NALF1: variants seen among roughly 807,000 people sequenced by gnomAD.
The protein encoded by NALF1 is family with sequence similarity 155 member A.
Under a neutral mutation model 48.4 loss-of-function variants are expected in NALF1, and 3 were observed. That is an observed-to-expected ratio of 0.06 (90% CI 0.03 to 0.16). NALF1 has a LOEUF of 0.16. Among genes scored for constraint, NALF1 ranks in the 10% least tolerant of loss-of-function variants. The pLI is 1.00. For missense variants in NALF1, 526 were observed against 571.5 expected, an observed-to-expected ratio of 0.92 and a Z score of 0.81; for synonymous variants, 262 against 245.7, an observed-to-expected ratio of 1.07 and a Z score of -0.62.
intron 1 of NALF1, among the ~76,000 whole-genome samples, chr13:107,642,219 C>A (rs1210383030): frequency 6.6e-6 from 1 of 152,164 alleles, no homozygotes; most frequent in East Asian, 1.9e-4. Context: ...TGCCATAATT[C>A]ATGGAATTAC....
chr13:107,770,300 T>C (rs1877544357), intron 1 of NALF1, among the ~76,000 whole-genome samples: 2 of 152,202 alleles, frequency 1.3e-5, no homozygotes, highest in South Asian at 2.1e-4. Flanking sequence ...TGTTTGGAGC[T>C]GCCTAAAATT....
chr13:107,176,237 A>G (rs556579664), intron 2 of NALF1, among the ~76,000 whole-genome samples: 2 of 150,112 alleles, frequency 1.3e-5, no homozygotes, highest in South Asian at 2.1e-4. Flanking sequence ...GTTCTGATAT[A>G]TTTTGCTTAT....
chr13:107,205,651 A>G (rs1245727534), intron 2 of NALF1, among the ~76,000 whole-genome samples: 8 of 152,326 alleles, frequency 5.3e-5, no homozygotes, highest in African/African-American at 1.9e-4. Flanking sequence ...CAGAATTTAC[A>G]TAGAATTCTT....
intron 1 of NALF1, among the ~76,000 whole-genome samples, chr13:107,313,098 A>G (rs115255239): frequency 0.015 from 2,208 of 152,256 alleles, 63 homozygotes; most frequent in African/African-American, 0.051. Context: ...CTTGGAAGAT[A>G]AAATGGAGAA....
intron 1 of NALF1, among the ~76,000 whole-genome samples, chr13:107,325,330 T>C (rs1882331038): frequency 6.6e-6 from 1 of 152,158 alleles, no homozygotes; most frequent in South Asian, 2.1e-4. Flanking sequence ...CAAGTATTTA[T>C]TTTTTCCAAA....
At chr13:107,767,517 T>G (rs775617798) in intron 1 of NALF1, among the ~76,000 whole-genome samples, 5 of 152,238 alleles carry the variant, frequency 3.3e-5, no homozygotes, top group Non-Finnish European at 2.9e-5. Context: ...GTCACAGGTC[T>G]ACATGTAAAT....
At chr13:107,841,854 GC>G (rs1317190270) in intron 1 of NALF1, among the ~76,000 whole-genome samples, 6 of 151,544 alleles carry the variant, frequency 4.0e-5, no homozygotes, top group Non-Finnish European at 8.8e-5. Flanking sequence ...AAATATTCTT[GC>G]AAAAGAATGC....
chr13:107,280,766 T>C (rs1881371518), intron 1 of NALF1, among the ~76,000 whole-genome samples: 2 of 152,298 alleles, frequency 1.3e-5, no homozygotes, highest in South Asian at 4.1e-4. Context: ...CGAAAAAAAG[T>C]AGTTTGTATC....
At chr13:107,800,750 T>C (rs922712530) in intron 1 of NALF1, among the ~76,000 whole-genome samples, 46 of 147,984 alleles carry the variant, frequency 3.1e-4, no homozygotes, top group Admixed American at 1.4e-3. Flanking sequence ...TATGATATAA[T>C]ATATAATACA....
At chr13:107,183,814 A>T (rs1174560664) in intron 2 of NALF1, among the ~76,000 whole-genome samples, 2 of 152,058 alleles carry the variant, frequency 1.3e-5, no homozygotes, top group African/African-American at 4.8e-5. Context: ...GGGCACAGAG[A>T]GGGTAGCTTC....
intron 1 of NALF1, among the ~76,000 whole-genome samples, chr13:107,764,636 C>A (rs1877372243): frequency 1.3e-5 from 2 of 152,124 alleles, no homozygotes; most frequent in South Asian, 4.1e-4. Context: ...GGGACTACAT[C>A]AAGATGACCA....
chr13:107,382,754 C>A (rs971335899), intron 1 of NALF1, among the ~76,000 whole-genome samples: 1 of 152,208 alleles, frequency 6.6e-6, no homozygotes, highest in African/African-American at 2.4e-5. Context: ...AAATGCCCCC[C>A]ACTTAACCAA....
At chr13:107,552,185 T>C (rs1292189762) in intron 1 of NALF1, among the ~76,000 whole-genome samples, 3 of 152,162 alleles carry the variant, frequency 2.0e-5, no homozygotes, top group Non-Finnish European at 2.9e-5. Context: ...CCTTACTACA[T>C]TCTATGCAGA....
intron 1 of NALF1, among the ~76,000 whole-genome samples, chr13:107,416,959 C>G (rs369076132): frequency 2.0e-5 from 3 of 152,286 alleles, no homozygotes; most frequent in East Asian, 3.9e-4. Context: ...ATTGACTTCC[C>G]CTCTCCAGTG....
intron 1 of NALF1, among the ~76,000 whole-genome samples, chr13:107,256,123 G>A (rs56264600): frequency 0.11 from 17,236 of 152,126 alleles, 1,150 homozygotes; most frequent in African/African-American, 0.17. Context: ...GAAAACAGAC[G>A]TTATTAAAAG....
chr13:107,701,843 C>T (rs1240405468), intron 1 of NALF1, among the ~76,000 whole-genome samples: 2 of 151,782 alleles, frequency 1.3e-5, no homozygotes, highest in Non-Finnish European at 2.9e-5. Context: ...TTGTAAGCCT[C>T]AAATATACAT....
chr13:107,846,853 T>G (rs1880185990), intron 1 of NALF1, among the ~76,000 whole-genome samples: 1 of 152,174 alleles, frequency 6.6e-6, no homozygotes, highest in Non-Finnish European at 1.5e-5. Flanking sequence ...GACAGATGAC[T>G]AAATAGGCAT....
At chr13:107,457,830 G>A (rs1438383499) in intron 1 of NALF1, among the ~76,000 whole-genome samples, 2 of 152,146 alleles carry the variant, frequency 1.3e-5, no homozygotes, top group South Asian at 2.1e-4. Context: ...CTCTGTTCAC[G>A]TTTATTTTTC....
chr13:107,367,843 C>T (rs772145952), intron 1 of NALF1, among the ~76,000 whole-genome samples: 27 of 152,168 alleles, frequency 1.8e-4, no homozygotes, highest in Non-Finnish European at 1.5e-4. Context: ...GGAACTCATG[C>T]AGACTAGTTT....
Sources: allele counts gnomAD v4.1 joint callset (sites outside exome capture counted in the v4.1 genomes callset), GRCh38; gene constraint gnomAD v4.1.1; transcripts MANE v1.5; gene names NCBI Gene and HGNC (gene_info 2026-07-23, HGNC 2026-07-21).